The following KCNC2 variants were observed in gnomAD, a reference collection of about 807,000 sequenced individuals.
KCNC2 encodes the protein potassium voltage-gated channel subfamily C member 2.
Under a neutral mutation model 44.5 loss-of-function variants are expected in KCNC2, and 21 were observed. That is an observed-to-expected ratio of 0.47 (90% CI 0.33 to 0.68). The LOEUF is 0.68. KCNC2 is among the 30% of genes least tolerant of loss of function. KCNC2 has a pLI of 0.01. For synonymous variants in KCNC2, 391 were observed against 339.1 expected, an observed-to-expected ratio of 1.15 and a Z score of -1.68; for missense variants, 589 against 826.2, an observed-to-expected ratio of 0.71 and a Z score of 3.52.
intron 2 of KCNC2, among the ~76,000 whole-genome samples, chr12:75,180,566 T>G (rs922802542): frequency 1.3e-5 from 2 of 151,902 alleles, no homozygotes; most frequent in Non-Finnish European, 2.9e-5. Context: ...TTTCTAATAT[T>G]AAATTATGTC....
intron 2 of KCNC2, among the ~76,000 whole-genome samples, chr12:75,051,575 T>G (rs1443007247): frequency 1.3e-5 from 2 of 152,144 alleles, no homozygotes; most frequent in Non-Finnish European, 2.9e-5. Context: ...TATTGAGATT[T>G]TTTTGTGTAA....
chr12:75,207,435 C>G lies in KCNC2; in HGVS notation c.549G>C (p.Glu183Asp). The change falls in exon 2 of 5, where the codon GAG becomes GAC. Residue 183 changes from glutamate (E) to aspartate (D), a missense_variant. This residue lies in a region of KCNC2 where 97 missense variants were observed against 73.3 expected (regional missense o/e 1.32). Transcript: ENST00000549446. This position sits in a 1 kb window ranked among gnomAD's most constrained non-coding sequence, Gnocchi z 4.1. ...TGCCCAGCCTCTTGGCCGCCAGGTC[C>G]TCGTCGTCGCCGGGGTCGCCGCCAA... ...DLIGGDPGDD[E>D]DLAAKRLGIE... The G allele has an allele frequency of 6.2e-7, 1 of 1,608,046 alleles. No homozygotes were observed. Among genetic ancestry groups the G allele is most frequent in the Non-Finnish European group, 8.5e-7 (1 of 1,177,502 alleles).
chr12:75,102,870 C>A (rs1444627571), intron 2 of KCNC2, among the ~76,000 whole-genome samples: 1 of 151,976 alleles, frequency 6.6e-6, no homozygotes, highest in Non-Finnish European at 1.5e-5. Context: ...TGCCTTCAAT[C>A]TTACAATAAG....
intron 2 of KCNC2, among the ~76,000 whole-genome samples, chr12:75,067,560 T>A (rs142738149): frequency 7.2e-5 from 11 of 152,282 alleles, no homozygotes; most frequent in African/African-American, 2.6e-4. Context: ...GATATTGAAC[T>A]CTACTTACTT....
At chr12:75,195,696 C>G (rs560208257) in intron 2 of KCNC2, among the ~76,000 whole-genome samples, 264 of 152,204 alleles carry the variant, frequency 1.7e-3, no homozygotes, top group African/African-American at 6.0e-3. Flanking sequence ...AACTGTGGCC[C>G]TCTTGAAAAA....
chr12:75,045,145 C>T (rs555570844), intron 4 of KCNC2, among the ~76,000 whole-genome samples: 16 of 151,972 alleles, frequency 1.1e-4, no homozygotes, highest in South Asian at 2.1e-4. Context: ...CGATTAAAGG[C>T]GAAGTGGTGA....
intron 2 of KCNC2, among the ~76,000 whole-genome samples, chr12:75,118,828 T>C (rs1219135277): frequency 6.6e-6 from 1 of 152,194 alleles, no homozygotes; most frequent in Non-Finnish European, 1.5e-5. Flanking sequence ...TATATCCCTT[T>C]CTACCACTGT....
chr12:75,207,302 C>A lies in KCNC2; in HGVS notation c.682G>T (p.Ala228Ser), dbSNP rs1393918123. The A allele has an allele frequency of 1.3e-6, 2 of 1,538,616 alleles. No homozygotes were observed. The highest frequency in any genetic ancestry group is 1.7e-6 in the Non-Finnish European group (2 of 1,147,238). ...GGGGTCGATTCTGGCCTTACCCTGG[C>A]GGCTCTGGACGAGTAGGGGTCTTCG... ...LFEDPYSSRA[A>S]RFIAFASLFF... The change falls in exon 2 of 5, where the codon GCC (alanine) becomes TCC (serine). Residue 228 changes from alanine (A) to serine (S), a missense_variant. By Grantham distance (99) the Ala-to-Ser change is moderately conservative (BLOSUM62 1). This residue lies in a region of KCNC2 where 26 missense variants were observed against 50.4 expected (regional missense o/e 0.52). Transcript: ENST00000549446. This position sits in a 1 kb window ranked among gnomAD's most constrained non-coding sequence, Gnocchi z 4.1.
chr12:75,096,902 A>G (rs1379962), intron 2 of KCNC2, among the ~76,000 whole-genome samples: 2,238 of 152,152 alleles, frequency 0.015, 57 homozygotes, highest in African/African-American at 0.051. Flanking sequence ...ATTTATAGAA[A>G]CACAATTTTT....
chr12:75,130,306 C>A (rs1888742509), intron 2 of KCNC2, among the ~76,000 whole-genome samples: 1 of 152,124 alleles, frequency 6.6e-6, no homozygotes, highest in African/African-American at 2.4e-5. Flanking sequence ...CTTTCATACT[C>A]TCAATTATAA....
intron 2 of KCNC2, among the ~76,000 whole-genome samples, chr12:75,099,098 T>G (rs1886167777): frequency 1.3e-5 from 2 of 152,100 alleles, no homozygotes; most frequent in East Asian, 1.9e-4. Context: ...TTAAAAGGAG[T>G]GTTGCTACAA....
intron 2 of KCNC2, among the ~76,000 whole-genome samples, chr12:75,060,772 T>C (rs887007238): frequency 3.3e-5 from 5 of 152,100 alleles, no homozygotes; most frequent in Non-Finnish European, 7.4e-5. Context: ...CATCTGGACA[T>C]AGAATTTTCC....
chr12:75,071,423 G>A (rs769855427), intron 2 of KCNC2, among the ~76,000 whole-genome samples: 8 of 152,226 alleles, frequency 5.3e-5, no homozygotes, highest in Non-Finnish European at 7.4e-5. Context: ...CAATTCAGGA[G>A]GAAACCCAAC....
At chr12:75,108,286 T>C (rs1337282762) in intron 2 of KCNC2, among the ~76,000 whole-genome samples, 2 of 152,186 alleles carry the variant, frequency 1.3e-5, no homozygotes, top group African/African-American at 4.8e-5. Flanking sequence ...ACTTAACTTC[T>C]CTGATCTTTA....
chr12:75,136,189 C>A (rs908097851), intron 2 of KCNC2, among the ~76,000 whole-genome samples: 1 of 151,726 alleles, frequency 6.6e-6, no homozygotes, highest in African/African-American at 2.4e-5. Context: ...AAAAGCAGGG[C>A]TAAGAGGGAA....
intron 2 of KCNC2, among the ~76,000 whole-genome samples, chr12:75,124,441 A>C (rs1457315860): frequency 6.6e-6 from 1 of 152,174 alleles, no homozygotes; most frequent in Non-Finnish European, 1.5e-5. Flanking sequence ...ATGGGTTATT[A>C]AGGATTAAGA....
intron 2 of KCNC2, among the ~76,000 whole-genome samples, chr12:75,170,270 G>T (rs1891726279): frequency 6.6e-6 from 1 of 151,636 alleles, no homozygotes; most frequent in Non-Finnish European, 1.5e-5. Context: ...AGGCTTAAAG[G>T]GAGTAAGTGA....
intron 2 of KCNC2, among the ~76,000 whole-genome samples, chr12:75,133,162 A>C (rs552356234): frequency 8.6e-5 from 13 of 152,002 alleles, no homozygotes; most frequent in Non-Finnish European, 1.6e-4. Context: ...GGCAATAAAG[A>C]GAGTTTGGTT....
intron 2 of KCNC2, among the ~76,000 whole-genome samples, chr12:75,112,942 AT>A (rs1295322478): frequency 6.6e-6 from 1 of 152,168 alleles, no homozygotes; most frequent in African/African-American, 2.4e-5. Context: ...GACAATCAGC[AT>A]TGCCTTGATG....
Sources: gnomAD v4.1 joint callset for allele counts (sites outside exome capture counted in the v4.1 genomes callset) on GRCh38, gnomAD v4.1.1 for gene constraint, gnomAD v4.1.1 regional missense constraint, Gnocchi (gnomAD v3.1) non-coding constraint, MANE v1.5 for transcripts, NCBI Gene and HGNC (gene_info 2026-07-23, HGNC 2026-07-21) for gene names.